Variants in WDR49 observed in about 807,000 individuals in gnomAD.
WDR49 encodes WD repeat domain 49, also known as cilia- and flagella-associated protein 337.
In WDR49, 107 loss-of-function variants were observed where a neutral mutation model predicts 119.5. The ratio of observed to expected loss-of-function variants is 0.90; its 90% CI spans 0.77 to 1.05. The LOEUF (loss-of-function observed/expected upper bound fraction) is 1.05, where lower values mean the gene tolerates loss of function less well. WDR49 is among the 50% of genes least tolerant of loss of function. WDR49 has a pLI of 0.00. For synonymous variants in WDR49, 425 were observed against 418.8 expected (o/e 1.01, Z -0.18); for missense variants, 1,240 against 1,220.5 (o/e 1.02, Z -0.24).
At chr3:167,637,600 CAAT>C (rs989825569) in intron 2 of WDR49, among the ~76,000 whole-genome samples, 1 of 151,778 alleles carries the variant, frequency 6.6e-6, no homozygotes, top group African/African-American at 2.4e-5. Context: ...GTCATTTTCA[CAAT>C]ATTACTTCTA....
Position 167,627,079 on chromosome 3 carries a change from G to T in WDR49, c.379C>A (p.Pro127Thr), listed in dbSNP as rs1381480981. The change falls in exon 3 of 19, where the codon CCC (proline) becomes ACC (threonine). Residue 127 changes from proline (P) to threonine (T), a missense_variant. Pro to Thr is a conservative substitution (Grantham distance 38). Coordinates refer to ENST00000682715, the MANE Select transcript of WDR49 (RefSeq NM_001366157.1). ...AGGAATTCAAGGTCCTTCCACTGGG[G>T]CACCACAGTTGCCTTTGCTCGTTCA... ...QDERAKATVV[P>T]QWKDLEFLPV... 1.6e-6 allele frequency: 2 copies of T among 1,288,602 alleles called. No homozygotes were observed. The highest frequency in any genetic ancestry group is 1.5e-5 in the African/African-American group (1 of 65,734). 79.8% of individuals were successfully genotyped at this position (1,288,602 alleles called of 1,614,324 possible).
At chr3:167,532,104 TAA>T (rs932006221) in intron 12 of WDR49, among the ~76,000 whole-genome samples, 73 of 152,198 alleles carry the variant, frequency 4.8e-4, no homozygotes, top group African/African-American at 1.3e-3. Context: ...CTAAATCTCT[TAA>T]GTTTGTTTTC....
chr3:167,493,297 C>CACCTATCTGAT (rs1397454295), intron 18 of WDR49, among the ~76,000 whole-genome samples: 1 of 152,162 alleles, frequency 6.6e-6, no homozygotes, highest in Non-Finnish European at 1.5e-5. Flanking sequence ...AGCAGTATGC[C>CACCTATCTGAT]ACCTATCTGA....
chr3:167,610,943 C>T (rs1283707959), intron 5 of WDR49, among the ~76,000 whole-genome samples: 3 of 152,086 alleles, frequency 2.0e-5, no homozygotes, highest in Non-Finnish European at 2.9e-5. Flanking sequence ...ATCTGAAATG[C>T]TAAGAATACT....
At chr3:167,604,638 G>T (rs1715956315) in intron 5 of WDR49, among the ~76,000 whole-genome samples, 170 bp from the exon 6 acceptor site, 1 of 152,062 alleles carries the variant, frequency 6.6e-6, no homozygotes, top group Non-Finnish European at 1.5e-5. Context: ...TCCCACAAAA[G>T]AATTCCATTG....
intron 10 of WDR49, among the ~76,000 whole-genome samples, chr3:167,538,167 C>A (rs1302671620): frequency 6.6e-6 from 1 of 152,082 alleles, no homozygotes; most frequent in African/African-American, 2.4e-5. Flanking sequence ...ATACAAATGG[C>A]TCTTAAATTC....
rs369114443 is a variant in WDR49, at chr3:167,478,872, T to C, written c.*6A>G. 1.2e-4 allele frequency: 183 copies of C among 1,580,004 alleles called. No homozygotes were observed. Among genetic ancestry groups the C allele is most frequent in the Non-Finnish European group, 1.3e-4 (156 of 1,158,462 alleles). ...TTATGTAACAGTGAAGGTTTTTCTG[T>C]TGTAATTACTTCTTATTTTTCTTCA... On this transcript the variant is annotated 3_prime_UTR_variant, in exon 19 of 19. Transcript: ENST00000682715.
intron 16 of WDR49, among the ~76,000 whole-genome samples, chr3:167,511,871 C>G (rs1404283510): frequency 6.6e-6 from 1 of 152,178 alleles, no homozygotes; most frequent in African/African-American, 2.4e-5. Context: ...TAGGTGGGAC[C>G]CGGATCCATC....
At chr3:167,503,182 T>C (rs1751641061) in intron 17 of WDR49, among the ~76,000 whole-genome samples, 4 of 152,308 alleles carry the variant, frequency 2.6e-5, no homozygotes, top group African/African-American at 9.6e-5. Context: ...CCACGTGGTG[T>C]TAAGCCTGCA....
chr3:167,578,545 C>T (rs1290196924), intron 7 of WDR49, among the ~76,000 whole-genome samples: 3 of 151,988 alleles, frequency 2.0e-5, no homozygotes, highest in African/African-American at 7.2e-5. Flanking sequence ...CTCCCTTTCT[C>T]CTCCCATTTC....
chr3:167,617,620 ATCC>A (rs1247285369), intron 5 of WDR49, among the ~76,000 whole-genome samples: 6 of 152,120 alleles, frequency 3.9e-5, no homozygotes, highest in Admixed American at 2.6e-4. Context: ...AGAATGAACA[ATCC>A]TCCTCCGGAG....
intron 18 of WDR49, among the ~76,000 whole-genome samples, chr3:167,484,404 C>T (rs1036682321): frequency 2.6e-5 from 4 of 151,842 alleles, no homozygotes; most frequent in African/African-American, 7.3e-5. Flanking sequence ...ATGTAACAAA[C>T]CTGCAGGTTG....
At chr3:167,647,303 C>T (rs1391628601) in intron 2 of WDR49, among the ~76,000 whole-genome samples, 1 of 152,184 alleles carries the variant, frequency 6.6e-6, no homozygotes, top group Non-Finnish European at 1.5e-5. Flanking sequence ...ACTAAAGGCA[C>T]TCTTCATCAC....
At chr3:167,562,645 G>A (rs781567717) in intron 8 of WDR49, among the ~76,000 whole-genome samples, 2 of 152,158 alleles carry the variant, frequency 1.3e-5, no homozygotes, top group African/African-American at 4.8e-5. Context: ...GTCATTAACT[G>A]TGTTTCTATT....
intron 2 of WDR49, among the ~76,000 whole-genome samples, chr3:167,636,885 G>C (rs1454605369): frequency 6.6e-6 from 1 of 151,692 alleles, no homozygotes; most frequent in Non-Finnish European, 1.5e-5. Flanking sequence ...TGTAGATTCT[G>C]GACATTAGCC....
At chr3:167,526,454 G>C (rs1752632536) in intron 15 of WDR49, among the ~76,000 whole-genome samples, 1 of 152,064 alleles carries the variant, frequency 6.6e-6, no homozygotes, top group Non-Finnish European at 1.5e-5. Context: ...CACAGCCTCT[G>C]TCAGCAATGC....
chr3:167,532,888 A>T lies in WDR49; in HGVS notation c.2044T>A (p.Ser682Thr), dbSNP rs768466631. ...LHPDYQRLLK[S>T]KLDTKPQKLL... ...TCAAACTCACACTTACCTAATTTTGACTTTAGCAACCTCTGGTAATCAGGG... is the reference window on the plus strand; with the variant it reads ...TCAAACTCACACTTACCTAATTTTGTCTTTAGCAACCTCTGGTAATCAGGG... The change falls in exon 12 of 19, where the codon TCA becomes ACA. Residue 682 changes from serine to threonine, a missense_variant. Coordinates refer to ENST00000682715, the MANE Select transcript of WDR49 (RefSeq NM_001366157.1). The T allele has an allele frequency of 2.5e-6, 4 of 1,608,948 alleles. No individual in the cohort carries two copies. Among genetic ancestry groups the T allele is most frequent in the Non-Finnish European group, 3.4e-6 (4 of 1,176,834 alleles).
chr3:167,588,377 T>C (rs889244912), intron 7 of WDR49, among the ~76,000 whole-genome samples: 12 of 152,176 alleles, frequency 7.9e-5, no homozygotes, highest in African/African-American at 2.2e-4. Context: ...GGTTGCTTCC[T>C]AATCTTGGCT....
At chr3:167,621,369 A>T in intron 4 of WDR49, 98 bp downstream of exon 4, 2 of 1,223,258 alleles carry the variant, frequency 1.6e-6, no homozygotes, top group Non-Finnish European at 2.2e-6. Context: ...TAATGTAATT[A>T]AATTTGGAGG....
Sources: allele counts gnomAD v4.1 joint callset (sites outside exome capture counted in the v4.1 genomes callset), GRCh38; gene constraint gnomAD v4.1.1; transcripts MANE v1.5; gene names NCBI Gene and HGNC (gene_info 2026-07-23, HGNC 2026-07-21).